The following RNF213 variants were observed in gnomAD, a reference collection of about 807,000 sequenced individuals.
RNF213 encodes the protein ring finger protein 213.
RNF213 carries 341 observed loss-of-function variants against 514.4 expected under a neutral mutation model. The ratio of observed to expected loss-of-function variants is 0.66; its 90% confidence interval spans 0.61 to 0.73. The LOEUF (loss-of-function observed/expected upper bound fraction) is 0.73. Ranked by LOEUF, RNF213 falls within the 30% of genes least tolerant of loss-of-function variation. The pLI, the probability that RNF213 is intolerant of heterozygous loss-of-function variation, is 0.00. For synonymous variants in RNF213, 2,655 were observed against 2,658.2 expected (o/e 1.00, Z 0.04); for missense variants, 5,767 against 6,615.6 (o/e 0.87, Z 4.45).
intron 16 of RNF213, among the ~76,000 whole-genome samples, chr17:80,318,805 C>G (rs896476101): frequency 2.6e-5 from 4 of 152,054 alleles, no homozygotes; most frequent in African/African-American, 9.7e-5. Flanking sequence ...GATCTCCTGA[C>G]CTCGTGATCC....
rs569382665 is a variant in RNF213, at chr17:80,309,455, C to T, written c.2655+284C>T. ...AGCTGGTCATGGGGAAACCAGAGAG[C>T]TGGCGCAGGGGCTGGGGGTCAGGCA... On this transcript the variant is annotated intron_variant, in intron 14 of 67. Transcript: ENST00000582970. 4.0e-4 allele frequency among the ~76,000 whole-genome samples: 61 copies of T among 152,280 alleles called. 2 individuals carry two copies. The South Asian group carries it at 0.012, about 31-fold the overall frequency.
In RNF213 at chr17:80,346,550, A is replaced by G. The variant is rs1394280339; in HGVS notation, c.8215A>G (p.Arg2739Gly). The change falls in exon 29 of 68, where the codon AGG (arginine) becomes GGG (glycine). Residue 2739 changes from arginine (R) to glycine (G), a missense_variant. By Grantham distance (125) the Arg-to-Gly change is moderately radical (BLOSUM62 -2). Around this residue, in one of 13 missense-constraint regions of RNF213, gnomAD observed 1,377 missense variants for 1,635.2 expected, o/e 0.84. Coordinates refer to ENST00000582970, the MANE Select transcript of RNF213 (RefSeq NM_001256071.3). The surrounding 1 kb of genome is among the most constrained non-coding windows in gnomAD (Gnocchi z 8.1). ...TCTTTTTCTGGACGGCGTACCTCTG[A>G]GGAAAACCATCGCCAAGAACTTGGC... Reference protein sequence around the residue: ...QDLFLDGVPLRKTIAKNLALK... With the variant: ...QDLFLDGVPLGKTIAKNLALK... 4 of 1,613,396 alleles carry G rather than the reference A, an allele frequency of 2.5e-6. No homozygotes were observed. Among genetic ancestry groups the G allele is most frequent in the Middle Eastern group, 1.6e-4 (1 of 6,062 alleles).
At chr17:80,275,728 C>A (rs1002191576) in intron 3 of RNF213, among the ~76,000 whole-genome samples, 1 of 152,038 alleles carries the variant, frequency 6.6e-6, no homozygotes, top group South Asian at 2.1e-4. Flanking sequence ...GTGGCGCCAT[C>A]TCAGCTCAAC....
chr17:80,367,384 T>A (rs1179131352), intron 42 of RNF213, among the ~76,000 whole-genome samples: 1 of 152,210 alleles, frequency 6.6e-6, no homozygotes, highest in Non-Finnish European at 1.5e-5. Context: ...TTAAAAATTT[T>A]AAAAAATGAT....
At chr17:80,280,086 T>C (rs1201399910) in intron 3 of RNF213, among the ~76,000 whole-genome samples, 1 of 151,272 alleles carries the variant, frequency 6.6e-6, no homozygotes, top group African/African-American at 2.5e-5. Flanking sequence ...GCAGGCATGC[T>C]CTTTCCTCTG....
chr17:80,267,499 C>G (rs1302210277), intron 2 of RNF213, among the ~76,000 whole-genome samples: 1 of 152,160 alleles, frequency 6.6e-6, no homozygotes, highest in African/African-American at 2.4e-5. Context: ...AGTGAAACAG[C>G]CTTATTGTGA....
At chr17:80,365,203 C>T (rs1467202830) in intron 42 of RNF213, 1 of 155,354 alleles carries the variant, frequency 6.4e-6, no homozygotes, top group African/African-American at 2.4e-5. Context: ...CATCCAGAGC[C>T]CTCACCGCCA....
In RNF213 at chr17:80,381,628, T is replaced by G. The variant is rs778641544; in HGVS notation, c.13879T>G (p.Leu4627Val). The change falls in exon 57 of 68, where the codon TTG (leucine) becomes GTG (valine). Residue 4627 changes from leucine (L) to valine (V), a missense_variant. Around this residue, in one of 13 missense-constraint regions of RNF213, gnomAD observed 1,245 missense variants for 1,339.0 expected, o/e 0.93. Transcript: ENST00000582970. ...GCACATCCTGAAGGACCTGGAGCAG[T>G]TGGCCAAGATGCTGGGACACAGTGC... ...QQHILKDLEQ[L>V]AKMLGHSADE... The G allele has an allele frequency of 1.1e-4, 175 of 1,614,204 alleles. 3 individuals are homozygous for G. Among genetic ancestry groups the G allele is most frequent in the South Asian group, 1.1e-3 (97 of 91,080 alleles).
Position 80,395,560 on chromosome 17 carries a change from A to T in RNF213, c.*2062A>T, listed in dbSNP as rs1345909588. The T allele has an allele frequency of 6.6e-6, 1 of 152,238 alleles. No individual in the cohort carries two copies. The highest frequency in any genetic ancestry group is 1.5e-5 in the Non-Finnish European group (1 of 68,066). 9.4% of individuals were successfully genotyped at this position (152,238 alleles called of 1,614,324 possible). ...CGCCACTCCCTGTAGCCGATCTGGG[A>T]CTGAAACGCTTACACCTCTGCCTCA... On this transcript the variant is annotated 3_prime_UTR_variant, in exon 68 of 68. Transcript: ENST00000582970.
rs1167423696 is a variant in RNF213 at position 80,387,040 on chromosome 17, C to G, written c.14922+149C>G. 1.5e-5 allele frequency: 12 copies of G among 781,216 alleles called. No individual in the cohort carries two copies. The Admixed American group carries it at 2.1e-4, about 13-fold the overall frequency. 48.4% of individuals were successfully genotyped at this position (781,216 alleles called of 1,614,324 possible). A position where few individuals can be genotyped will look rare whatever the true frequency, so the allele number is the denominator to read the frequency against. On this transcript the variant is annotated intron_variant, in intron 63 of 67. Coordinates refer to ENST00000582970, the MANE Select transcript of RNF213 (RefSeq NM_001256071.3). ...TCACACCTGCAGCTCCCGAGGCCAC[C>G]ACGCCACCTGTATCTCCGGGCCGCA...
chr17:80,273,272 G>A lies in RNF213; in HGVS notation c.129G>A (p.Ser43=), dbSNP rs767722896. ...AGAACAATAACTCCACAATGGCGTCGGCCTCGGAGGGTGAAATGGAGTGTG... is the reference window on the plus strand; with the variant it reads ...AGAACAATAACTCCACAATGGCGTCAGCCTCGGAGGGTGAAATGGAGTGTG... ...DSENNNSTMA[S]ASEGEMECGQ... The change falls in exon 3 of 68, where the codon TCG becomes TCA. Residue 43 remains serine, a synonymous_variant. Transcript: ENST00000582970. The A allele has an allele frequency of 6.8e-6, 11 of 1,613,580 alleles. No individual in the cohort carries two copies. The highest frequency in any genetic ancestry group is 4.5e-5 in the East Asian group (2 of 44,868).
chr17:80,345,893 A>G lies in RNF213; in HGVS notation c.7558A>G (p.Ile2520Val). The change falls in exon 29 of 68, where the codon ATT becomes GTT. Residue 2520 changes from isoleucine to valine, a missense_variant. By Grantham distance (29) the Ile-to-Val change is conservative (BLOSUM62 3). Around this residue, in one of 13 missense-constraint regions of RNF213, gnomAD observed 1,377 missense variants for 1,635.2 expected, o/e 0.84. Transcript: ENST00000582970. The surrounding 1 kb of genome is among the most constrained non-coding windows in gnomAD (Gnocchi z 6.0). ...TCTGGCTGAGGACTCTGGCCTGCATATTATAGCTGCCTGCAATCCATACCG... is the reference window on the plus strand; with the variant it reads ...TCTGGCTGAGGACTCTGGCCTGCATGTTATAGCTGCCTGCAATCCATACCG... ...QPLAEDSGLH[I>V]IAACNPYRKH... The G allele has an allele frequency of 6.2e-7, 1 of 1,614,172 alleles. No homozygotes were observed. Among genetic ancestry groups the G allele is most frequent in the Non-Finnish European group, 8.5e-7 (1 of 1,180,036 alleles).
chr17:80,355,605 G>A (rs1225528562), intron 36 of RNF213, among the ~76,000 whole-genome samples: 1 of 54,616 alleles, frequency 1.8e-5, no homozygotes, highest in Non-Finnish European at 3.7e-5. Flanking sequence ...TACAGGGGAA[G>A]AAGCGGGGTG....
intron 17 of RNF213, chr17:80,320,540 G>A (rs1256071806): frequency 6.6e-6 from 1 of 152,120 alleles, no homozygotes; most frequent in East Asian, 1.9e-4. Flanking sequence ...AGAACAATGT[G>A]CCGCCACACT....
At chr17:80,362,485 C>G (rs1441817097) in intron 39 of RNF213, among the ~76,000 whole-genome samples, 3 of 152,224 alleles carry the variant, frequency 2.0e-5, no homozygotes, top group African/African-American at 7.2e-5. Context: ...CTATTAATAG[C>G]AAATCAACAC....
At chr17:80,336,921 A>G (rs1474329481) in intron 23 of RNF213, 1 of 200,764 alleles carries the variant, frequency 5.0e-6, no homozygotes, top group East Asian at 1.4e-4. Flanking sequence ...AAAGAAAAGA[A>G]AAAAGTAAAC....
At chr17:80,322,162 T>TCCCC (rs1568070291) in intron 17 of RNF213, among the ~76,000 whole-genome samples, 4 of 87,816 alleles carry the variant, frequency 4.6e-5, no homozygotes, top group Admixed American at 1.5e-4. Context: ...CACCCCCCCT[T>TCCCC]TTTTTTTTTT....
In RNF213 at chr17:80,386,786, C is replaced by G; in HGVS notation, c.14817C>G (p.Tyr4939Ter). The G allele has an allele frequency of 6.2e-7, 1 of 1,614,034 alleles. No homozygotes were observed. Among genetic ancestry groups the G allele is most frequent in the Non-Finnish European group, 8.5e-7 (1 of 1,179,888 alleles). ...LTPLILSNCQ[Y>*]QVEEGRETVQ... is the part of the protein sequence containing the mutation. ...CACTGATTCTCTCCAACTGCCAGTA[C>G]CAGGTGGAGGAGGGCAGAGAGACCG... The change falls in exon 63 of 68, where the codon TAC (tyrosine) becomes TAG (stop). Residue 4939 changes from tyrosine (Y) to a stop codon, truncating the protein, a stop_gained. Transcript: ENST00000582970. LOFTEE classifies it high-confidence loss of function.
intron 22 of RNF213, 25 bp from the exon 23 acceptor site, chr17:80,336,136 T>C: frequency 6.5e-7 from 1 of 1,529,264 alleles, no homozygotes; most frequent in Non-Finnish European, 8.8e-7. Context: ...AGTCCCACGC[T>C]GAACTCCCCT....
Sources: allele counts gnomAD v4.1 joint callset (sites outside exome capture counted in the v4.1 genomes callset), GRCh38; gene constraint gnomAD v4.1.1; regional missense constraint gnomAD v4.1.1; non-coding constraint Gnocchi (gnomAD v3.1); transcripts MANE v1.5; gene names NCBI Gene and HGNC (gene_info 2026-07-23, HGNC 2026-07-21).